SLC35F4: variants seen among roughly 807,000 people sequenced by gnomAD.
SLC35F4 encodes solute carrier family 35 member F4, also known as chromosome 14 open reading frame 36.
SLC35F4 carries 24 observed loss-of-function variants against 44.2 expected under a neutral mutation model. That is an observed-to-expected ratio of 0.54 (90% CI 0.39 to 0.76). SLC35F4 has a LOEUF of 0.76. Among genes scored for constraint, SLC35F4 ranks in the 30% least tolerant of loss-of-function variants. The pLI, the probability that SLC35F4 is intolerant of heterozygous loss-of-function variation, is 0.00. For missense variants in SLC35F4, 562 were observed against 586.1 expected (o/e 0.96, Z 0.42); for synonymous variants, 238 against 223.6 (o/e 1.06, Z -0.57).
chr14:57,926,144 C>A (rs1889564678), intron 1 of SLC35F4, among the ~76,000 whole-genome samples: 1 of 152,186 alleles, frequency 6.6e-6, no homozygotes, highest in Admixed American at 6.5e-5. Context: ...CCATGGCTAT[C>A]CCACATCAGA....
intron 1 of SLC35F4, among the ~76,000 whole-genome samples, chr14:57,664,229 T>C (rs1453737618): frequency 6.6e-6 from 1 of 152,158 alleles, no homozygotes; most frequent in Non-Finnish European, 1.5e-5. Flanking sequence ...ACTACATTAC[T>C]TGTCACTTCA....
intron 1 of SLC35F4, among the ~76,000 whole-genome samples, chr14:57,654,999 A>C (rs552441555): frequency 2.4e-4 from 36 of 152,268 alleles, no homozygotes; most frequent in African/African-American, 8.4e-4. Context: ...TCTGTACTCC[A>C]GGGTGGCGTG....
intron 1 of SLC35F4, among the ~76,000 whole-genome samples, chr14:57,742,671 G>T (rs2076643611): frequency 6.6e-6 from 1 of 152,124 alleles, no homozygotes; most frequent in Admixed American, 6.6e-5. Flanking sequence ...CAACAAGACA[G>T]AAATTTAAAA....
chr14:57,722,497 A>C (rs1200281133), intron 1 of SLC35F4, among the ~76,000 whole-genome samples: 1 of 152,192 alleles, frequency 6.6e-6, no homozygotes, highest in Non-Finnish European at 1.5e-5. Context: ...AGAGCCCTGT[A>C]ATTGCTCTTC....
intron 1 of SLC35F4, among the ~76,000 whole-genome samples, chr14:57,704,209 A>G (rs191919022): frequency 1.3e-5 from 2 of 152,320 alleles, no homozygotes; most frequent in East Asian, 1.9e-4. Context: ...AGGGGTTGGA[A>G]GCAAGTTTGG....
chr14:57,937,681 A>G (rs1889840307), intron 1 of SLC35F4, among the ~76,000 whole-genome samples: 1 of 152,130 alleles, frequency 6.6e-6, no homozygotes, highest in Non-Finnish European at 1.5e-5. Flanking sequence ...ATCACAAAGG[A>G]TAAAAGATCT....
At chr14:57,679,381 A>G (rs1307917091) in intron 1 of SLC35F4, among the ~76,000 whole-genome samples, 1 of 152,150 alleles carries the variant, frequency 6.6e-6, no homozygotes, top group Non-Finnish European at 1.5e-5. Context: ...AGCAGTTTAT[A>G]GAGGGAAATG....
At chr14:57,619,432 A>T (rs945136511) in intron 1 of SLC35F4, among the ~76,000 whole-genome samples, 2 of 152,220 alleles carry the variant, frequency 1.3e-5, no homozygotes, top group Non-Finnish European at 2.9e-5. Flanking sequence ...AAACTCCAGT[A>T]GACCTGCAGC....
chr14:57,949,218 G>A (rs1890090023), intron 1 of SLC35F4, among the ~76,000 whole-genome samples: 3 of 152,060 alleles, frequency 2.0e-5, no homozygotes, highest in African/African-American at 4.8e-5. Flanking sequence ...TCAGTGTTAG[G>A]TGCATATATA....
intron 1 of SLC35F4, chr14:57,629,878 C>G (rs921861910): frequency 1.0e-5 from 4 of 393,654 alleles, no homozygotes; most frequent in African/African-American, 6.2e-5. Context: ...TGCTAGTGCT[C>G]TAGGCTGAGA....
chr14:57,888,821 T>C (rs1241151907), intron 1 of SLC35F4, among the ~76,000 whole-genome samples: 2 of 152,218 alleles, frequency 1.3e-5, no homozygotes, highest in Non-Finnish European at 2.9e-5. Context: ...ATAGAACTTA[T>C]TGCATCAAAG....
At chr14:57,806,105 T>C (rs1307018227) in intron 1 of SLC35F4, among the ~76,000 whole-genome samples, 3 of 152,208 alleles carry the variant, frequency 2.0e-5, no homozygotes, top group South Asian at 2.1e-4. Flanking sequence ...TTTTATAAAA[T>C]GTAGTTTTCC....
At chr14:57,633,332 C>T (rs967679445) in intron 1 of SLC35F4, among the ~76,000 whole-genome samples, 51 of 152,140 alleles carry the variant, frequency 3.4e-4, no homozygotes, top group African/African-American at 1.2e-3. Context: ...GGTGCTATAC[C>T]ATTTTGCATT....
intron 4 of SLC35F4, among the ~76,000 whole-genome samples, chr14:57,573,624 T>A (rs1034389691): frequency 6.6e-6 from 1 of 152,316 alleles, no homozygotes; most frequent in African/African-American, 2.4e-5. Context: ...GAGGGGGTTA[T>A]CTAGACCTGG....
intron 4 of SLC35F4, among the ~76,000 whole-genome samples, chr14:57,574,689 G>A (rs2068689767): frequency 1.3e-5 from 2 of 152,178 alleles, no homozygotes; most frequent in South Asian, 4.1e-4. Context: ...TGTTGTAAGT[G>A]AAGGAAGAGA....
intron 1 of SLC35F4, among the ~76,000 whole-genome samples, chr14:57,693,005 C>T (rs2075277679): frequency 6.6e-6 from 1 of 152,036 alleles, no homozygotes; most frequent in Non-Finnish European, 1.5e-5. Context: ...CTAAACATGA[C>T]AAAAATTAAA....
intron 1 of SLC35F4, among the ~76,000 whole-genome samples, chr14:57,883,361 A>T (rs925299681): frequency 5.3e-5 from 8 of 152,198 alleles, no homozygotes; most frequent in Non-Finnish European, 1.2e-4. Context: ...GGCGATGAAG[A>T]ATCCCTGTGG....
intron 1 of SLC35F4, among the ~76,000 whole-genome samples, chr14:57,713,729 G>C (rs8021403): frequency 0.084 from 12,847 of 152,138 alleles, 576 homozygotes; most frequent in Middle Eastern, 0.15. Context: ...CTGACCTAGG[G>C]TACGTGCTCA....
chr14:57,699,919 T>C (rs1040369029), intron 1 of SLC35F4, among the ~76,000 whole-genome samples: 14 of 152,198 alleles, frequency 9.2e-5, no homozygotes, highest in African/African-American at 3.4e-4. Flanking sequence ...AAATTTAAGG[T>C]CTAATTGCAC....
Sources: allele counts gnomAD v4.1 joint callset (sites outside exome capture counted in the v4.1 genomes callset), GRCh38; gene constraint gnomAD v4.1.1; transcripts MANE v1.5; gene names NCBI Gene and HGNC (gene_info 2026-07-23, HGNC 2026-07-21).